STPG3: variants seen among roughly 807,000 people sequenced by gnomAD.
The protein encoded by STPG3 is protein STPG3.
A neutral mutation model predicts 32.5 loss-of-function variants in STPG3; 39 were observed. That is an observed-to-expected ratio of 1.20 (90% CI 0.93 to 1.57). The LOEUF (loss-of-function observed/expected upper bound fraction) is 1.57. Ranked by LOEUF, STPG3 falls within the 40% of genes most tolerant of loss-of-function variation. The probability of loss-of-function intolerance (pLI) is 0.00; values close to 1 mark genes in which losing one functional copy is unlikely to be tolerated. For synonymous variants in STPG3, 209 were observed against 172.4 expected (o/e 1.21, Z -1.66); for missense variants, 507 against 407.6 (o/e 1.24, Z -2.10).
chr9:137,252,052 C>T lies in STPG3; in HGVS notation c.320C>T (p.Thr107Ile), dbSNP rs746402737. ...GCTGACCTGGAAGTCCCCAGCCCCA[C>T]CAGGTACCAGGTGCCGAGCCCGTCC... The part of the protein sequence containing the change: ...ITADLEVPSP[T>I]RYQVPSPSVR... The change falls in exon 3 of 6, where the codon ACC (threonine) becomes ATC (isoleucine). Residue 107 changes from threonine (T) to isoleucine (I), a missense_variant. Physicochemically the swap from Thr to Ile is moderately conservative, Grantham distance 89. Coordinates refer to ENST00000412566, the MANE Select transcript of STPG3 (RefSeq NM_001004353.4). 1 of 1,613,058 alleles carries T rather than the reference C, an allele frequency of 6.2e-7. No individual in the cohort carries two copies. Among genetic ancestry groups the T allele is most frequent in the South Asian group, 1.1e-5 (1 of 91,038 alleles).
In STPG3 at chr9:137,252,460, C is replaced by T; in HGVS notation, c.427C>T (p.Gln143Ter). The T allele has an allele frequency of 6.2e-7, 1 of 1,611,024 alleles. No individual in the cohort carries two copies. The highest frequency in any genetic ancestry group is 8.5e-7 in the Non-Finnish European group (1 of 1,178,872). Reference sequence around the variant, plus strand: ...AGAGGGCGGTGGCCGCAGGGCATGGCAGACTTTGTGGTTCCAGAGCGAAAG... The same window carrying T: ...AGAGGGCGGTGGCCGCAGGGCATGGTAGACTTTGTGGTTCCAGAGCGAAAG... ...GREGGGRRAW[Q>*]TLWFQSESPF... The change falls in exon 4 of 6, where the codon CAG becomes TAG. Residue 143 changes from glutamine to a stop codon, truncating the protein, a stop_gained. Coordinates refer to ENST00000412566, the MANE Select transcript of STPG3 (RefSeq NM_001004353.4). LOFTEE classifies it high-confidence loss of function.
rs765419688 is a variant in STPG3 at position 137,252,968 on chromosome 9, A to G, written c.796+3A>G. 1.4e-5 allele frequency: 22 copies of G among 1,590,928 alleles called. No homozygotes were observed. The highest frequency in any genetic ancestry group is 3.5e-5 in the Admixed American group (2 of 57,648). ...GTTCACCTCCTGGCTCAGCACCTGTAAGGAGGCCTGGAGAGAAGAGGGCTA... is the reference window on the plus strand; with the variant it reads ...GTTCACCTCCTGGCTCAGCACCTGTGAGGAGGCCTGGAGAGAAGAGGGCTA... On this transcript the variant is annotated splice_donor_region_variant and intron_variant, in intron 5 of 5. Transcript: ENST00000412566.
At position 137,253,424 on chromosome 9, in the gene STPG3, A is replaced by G; in HGVS notation, c.*179A>G. ...TATGGGCTGTGGACAAGGCTGGCCCAGCCTGGATCCCCCATCTGCCCATCT... is the reference window on the plus strand; with the variant it reads ...TATGGGCTGTGGACAAGGCTGGCCCGGCCTGGATCCCCCATCTGCCCATCT... On this transcript the variant is annotated 3_prime_UTR_variant, in exon 6 of 6. Transcript: ENST00000412566. 2 of 1,446,024 alleles carry G rather than the reference A, an allele frequency of 1.4e-6. No individual in the cohort carries two copies. The highest frequency in any genetic ancestry group is 5.0e-5 in the East Asian group (2 of 39,832). The allele number at this position is 1,446,024 out of a possible 1,614,324, so 89.6% of individuals were successfully genotyped here.
chr9:137,251,552 C>G (rs1046760044), intron 1 of STPG3, among the ~76,000 whole-genome samples, 156 bp downstream of exon 1: 3 of 143,320 alleles, frequency 2.1e-5, no homozygotes, highest in Middle Eastern at 7.1e-3. Flanking sequence ...CGGCCAGGGG[C>G]TGAGGGACAG....
At position 137,252,655 on chromosome 9, in the gene STPG3, CT is replaced by C; in HGVS notation, c.493-6del. The stretch of plus-strand genomic sequence containing the variant: ...TGCCCTGCAGCCCGTCTCCTACCCC[CT>C]CGCAGTGGCCCTCGCCAGCCCACTA... On this transcript the variant is annotated splice_region_variant and splice_polypyrimidine_tract_variant and intron_variant, in intron 4 of 5. Coordinates refer to ENST00000412566, the MANE Select transcript of STPG3 (RefSeq NM_001004353.4). The C allele has an allele frequency of 6.5e-7, 1 of 1,539,362 alleles. No homozygotes were observed. The highest frequency in any genetic ancestry group is 8.8e-7 in the Non-Finnish European group (1 of 1,139,218).
In STPG3 at chr9:137,252,104, C is replaced by A. The variant is rs769193616; in HGVS notation, c.372C>A (p.His124Gln). The A allele has an allele frequency of 2.4e-5, 38 of 1,612,190 alleles. No homozygotes were observed. The highest frequency in any genetic ancestry group is 3.1e-5 in the Non-Finnish European group (37 of 1,179,736). ...TACGAGAGTCCTCCCCACACCCCCA[C>A]TACAGCATCGGCTGCAAGCACCAGG... ...PSVRESSPHP[H>Q]YSIGCKHQGR... Residue 124 changes from histidine to glutamine, a missense_variant, in exon 3 of 6, where the codon CAC (histidine) becomes CAA (glutamine). Coordinates refer to ENST00000412566, the MANE Select transcript of STPG3 (RefSeq NM_001004353.4).
At position 137,251,345 on chromosome 9, in the gene STPG3, G is replaced by A. The variant is rs1837298896; in HGVS notation, c.59G>A (p.Gly20Asp). Residue 20 changes from glycine to aspartate, a missense_variant, in exon 1 of 6, where the codon GGC becomes GAC. Transcript: ENST00000412566. ...CTGGCAAATTTTTACATCAATGGAGGCAAACACTGGACCCATGGTCACCTG... is the reference window on the plus strand; with the variant it reads ...CTGGCAAATTTTTACATCAATGGAGACAAACACTGGACCCATGGTCACCTG... ...KFLANFYING[G>D]KHWTHGHLRQ... The A allele has an allele frequency of 6.2e-6, 10 of 1,613,602 alleles. No homozygotes were observed. Among genetic ancestry groups the A allele is most frequent in the Non-Finnish European group, 7.6e-6 (9 of 1,179,776 alleles).
rs765646622 is a variant in STPG3 at position 137,252,074 on chromosome 9, GTCCGTACGAGAGTCC to G, written c.346_360del (p.Val116_Ser120del). ...CCACCAGGTACCAGGTGCCGAGCCC[GTCCGTACGAGAGTCC>G]TCCCCACACCCCCACTACAGCATCG... On this transcript the variant is annotated inframe_deletion, in exon 3 of 6. Transcript: ENST00000412566. The G allele has an allele frequency of 4.6e-5, 74 of 1,612,844 alleles. No homozygotes were observed. The highest frequency in any genetic ancestry group is 6.3e-5 in the Non-Finnish European group (74 of 1,179,778).
rs1837413254 is a variant in STPG3 at position 137,252,723 on chromosome 9, G to A, written c.554G>A (p.Arg185Lys). The A allele has an allele frequency of 6.4e-7, 1 of 1,554,546 alleles. No individual in the cohort carries two copies. Among genetic ancestry groups the A allele is most frequent in the African/African-American group, 1.4e-5 (1 of 73,274 alleles). The change falls in exon 5 of 6, where the codon AGA becomes AAA. Residue 185 changes from arginine (R) to lysine (K), a missense_variant. Coordinates refer to ENST00000412566, the MANE Select transcript of STPG3 (RefSeq NM_001004353.4). ...SRPAFPAFSF[R>K]GCHSASKTPE... ...CCCGCCTTCCCCGCCTTCAGCTTCA[G>A]AGGCTGCCACTCCGCTTCCAAGACA...
intron 4 of STPG3, 54 bp from the exon 5 acceptor site, chr9:137,252,608 T>G: frequency 6.6e-7 from 1 of 1,517,736 alleles, no homozygotes; most frequent in African/African-American, 1.4e-5. Context: ...GGGGGCTGGC[T>G]GAGGGTCCGT....
At position 137,253,319 on chromosome 9, in the gene STPG3, TC is replaced by T; in HGVS notation, c.*78del. On this transcript the variant is annotated 3_prime_UTR_variant, in exon 6 of 6. Coordinates refer to ENST00000412566, the MANE Select transcript of STPG3 (RefSeq NM_001004353.4). ...GCCTCCCCCGGGGCTTTCCCAGGCC[TC>T]CCCTGGGACTTGGGGCCCCAGCCTG... 1 of 1,553,148 alleles carries T rather than the reference TC, an allele frequency of 6.4e-7. No homozygotes were observed. The highest frequency in any genetic ancestry group is 1.9e-5 in the Admixed American group (1 of 51,298).
Position 137,252,651 on chromosome 9 carries a change from C to A in STPG3, c.493-11C>A. On this transcript the variant is annotated splice_polypyrimidine_tract_variant and intron_variant, in intron 4 of 5. Coordinates refer to ENST00000412566, the MANE Select transcript of STPG3 (RefSeq NM_001004353.4). ...ACCCTGCCCTGCAGCCCGTCTCCTACCCCCTCGCAGTGGCCCTCGCCAGCC... is the reference window on the plus strand; with the variant it reads ...ACCCTGCCCTGCAGCCCGTCTCCTAACCCCTCGCAGTGGCCCTCGCCAGCC... The A allele has an allele frequency of 6.5e-7, 1 of 1,536,448 alleles. No individual in the cohort carries two copies. Among genetic ancestry groups the A allele is most frequent in the Non-Finnish European group, 8.8e-7 (1 of 1,137,162 alleles).
Position 137,253,255 on chromosome 9 carries a change from G to T in STPG3, c.*10G>T. 1.2e-6 allele frequency: 2 copies of T among 1,601,470 alleles called. No individual in the cohort carries two copies. The highest frequency in any genetic ancestry group is 2.3e-5 in the East Asian group (1 of 44,240). ...CTTCTGCACGCTCTAGAGCCAGCTG[G>T]GCACAACCTGCTTGGCCCGGCCACC... is the stretch of plus-strand genomic sequence containing the variant. On this transcript the variant is annotated 3_prime_UTR_variant, in exon 6 of 6. Transcript: ENST00000412566.
Position 137,252,518 on chromosome 9 carries a change from A to G in STPG3, c.485A>G (p.Glu162Gly). The G allele has an allele frequency of 6.5e-7, 1 of 1,533,754 alleles. No individual in the cohort carries two copies. Among genetic ancestry groups the G allele is most frequent in the Non-Finnish European group, 8.8e-7 (1 of 1,133,214 alleles). ...ACGCAGAAAGCTGACTTCGACCAAGAGCAAAAGGTTGGGGGCTGGGCAGGA... is the reference window on the plus strand; with the variant it reads ...ACGCAGAAAGCTGACTTCGACCAAGGGCAAAAGGTTGGGGGCTGGGCAGGA... Reference protein sequence around the residue: ...PFTQKADFDQEQKWPSPAHYQ... With the variant: ...PFTQKADFDQGQKWPSPAHYQ... The change falls in exon 4 of 6, where the codon GAG (glutamate) becomes GGG (glycine). Residue 162 changes from glutamate to glycine, a missense_variant. Transcript: ENST00000412566.
chr9:137,251,292 G>C lies in STPG3; in HGVS notation c.6G>C (p.Met2Ile). The change falls in exon 1 of 6, where the codon ATG becomes ATC. Residue 2 changes from methionine to isoleucine, a missense_variant. By Grantham distance (10) the Met-to-Ile change is conservative. Transcript: ENST00000412566. M[M>I]NSDQKAVKFL... is the part of the protein sequence containing the mutation. ...AAGAGAGCCAGGAGACTCTGATGATGAATTCTGACCAGAAGGCAGTGAAAT... is the reference window on the plus strand; with the variant it reads ...AAGAGAGCCAGGAGACTCTGATGATCAATTCTGACCAGAAGGCAGTGAAAT... The C allele has an allele frequency of 1.2e-6, 2 of 1,609,480 alleles. No individual in the cohort carries two copies. The highest frequency in any genetic ancestry group is 1.7e-6 in the Non-Finnish European group (2 of 1,175,888).
rs780738748 is a variant in STPG3, at chr9:137,253,355, C to T, written c.*110C>T. On this transcript the variant is annotated 3_prime_UTR_variant, in exon 6 of 6. Coordinates refer to ENST00000412566, the MANE Select transcript of STPG3 (RefSeq NM_001004353.4). Reference sequence around the variant, plus strand: ...TTGGGGCCCCAGCCTGGCCTTCTGACCCTCTGGGCACCCCGATGCACCCTT... The same window carrying T: ...TTGGGGCCCCAGCCTGGCCTTCTGATCCTCTGGGCACCCCGATGCACCCTT... The T allele has an allele frequency of 3.9e-6, 6 of 1,542,624 alleles. No individual in the cohort carries two copies. Among genetic ancestry groups the T allele is most frequent in the African/African-American group, 1.4e-5 (1 of 72,948 alleles).
chr9:137,252,318 T>A, intron 3 of STPG3, 119 bp from the exon 4 acceptor site: 1 of 1,318,632 alleles, frequency 7.6e-7, no homozygotes, highest in Non-Finnish European at 1.1e-6. Flanking sequence ...GGGGCATGGG[T>A]GGACATTGTG....
chr9:137,251,703 G>C (rs1292082718), intron 1 of STPG3, 35 bp from the exon 2 acceptor site: 1 of 1,551,280 alleles, frequency 6.4e-7, no homozygotes, highest in Admixed American at 2.0e-5. Context: ...GGAGCGGCCG[G>C]GGGCTGAGAC....
In STPG3 at chr9:137,252,058, ACCAGGTG is replaced by A. The variant is rs1837355769; in HGVS notation, c.329_335del (p.Gln110ArgfsTer89). On this transcript the variant is annotated frameshift_variant, in exon 3 of 6. Coordinates refer to ENST00000412566, the MANE Select transcript of STPG3 (RefSeq NM_001004353.4). LOFTEE classifies it high-confidence loss of function. ...CTGGAAGTCCCCAGCCCCACCAGGTACCAGGTGCCGAGCCCGTCCGTACGAGAGTCCT... is the reference window on the plus strand; with the variant it reads ...CTGGAAGTCCCCAGCCCCACCAGGTACCGAGCCCGTCCGTACGAGAGTCCT... 1 of 1,613,010 alleles carries A rather than the reference ACCAGGTG, an allele frequency of 6.2e-7. No individual in the cohort carries two copies. Among genetic ancestry groups the A allele is most frequent in the African/African-American group, 1.3e-5 (1 of 74,900 alleles).
Sources: gnomAD v4.1 joint callset for allele counts (sites outside exome capture counted in the v4.1 genomes callset) on GRCh38, gnomAD v4.1.1 for gene constraint, MANE v1.5 for transcripts, NCBI Gene and HGNC (gene_info 2026-07-23, HGNC 2026-07-21) for gene names.